Variants in CCDC61 observed in about 807,000 individuals in gnomAD.
The protein encoded by CCDC61 is centrosomal protein CCDC61.
In CCDC61, 55 loss-of-function variants were observed where a neutral mutation model predicts 63.0. The ratio of observed to expected loss-of-function variants is 0.87; its 90% confidence interval spans 0.70 to 1.09. The LOEUF (loss-of-function observed/expected upper bound fraction) is 1.09, where lower values mean the gene tolerates loss of function less well. Ranked by LOEUF, CCDC61 falls within the 50% of genes least tolerant of loss-of-function variation. The pLI, the probability that CCDC61 is intolerant of heterozygous loss-of-function variation, is 0.00. For missense variants in CCDC61, 651 were observed against 731.4 expected (o/e 0.89, Z 1.27); for synonymous variants, 270 against 317.0 (o/e 0.85, Z 1.58).
chr19:46,009,951 C>T lies in CCDC61; in HGVS notation c.551+1650C>T, dbSNP rs981384665. The stretch of plus-strand genomic sequence containing the variant: ...GGCGCCCTCCACCCTTTGGAACCAA[C>T]CACAGGAGCCTTGAGATCCCACCGC... On this transcript the variant is annotated intron_variant, in intron 5 of 13. Transcript: ENST00000595358. 2.6e-5 allele frequency among the ~76,000 whole-genome samples: 4 copies of T among 152,178 alleles called. No individual in the cohort carries two copies. The East Asian group carries it at 7.7e-4, about 29-fold the overall frequency.
chr19:46,008,941 C>T (rs115207279), intron 5 of CCDC61, among the ~76,000 whole-genome samples: 4,864 of 152,232 alleles, frequency 0.032, 107 homozygotes, highest in African/African-American at 0.06. Flanking sequence ...TCTATGTAGG[C>T]GAATCCACCT....
chr19:46,012,852 T>A lies in CCDC61; in HGVS notation c.552-2197T>A, dbSNP rs1600651741. 4.8e-5 allele frequency among the ~76,000 whole-genome samples: 3 copies of A among 62,892 alleles called. No individual in the cohort carries two copies. In the East Asian group the frequency reaches 7.8e-4, roughly 16 times the overall value. 41.3% of individuals were successfully genotyped at this position (62,892 alleles called of 152,430 possible). ...GTATCTCTTTTTGCACTTAATTTAA[T>A]TTTTTTTTTTTTTTTAAGAGACAGA... On this transcript the variant is annotated intron_variant, in intron 5 of 13. Coordinates refer to ENST00000595358, the MANE Select transcript of CCDC61 (RefSeq NM_001267723.2).
chr19:46,003,082 G>T lies in CCDC61; in HGVS notation c.64G>T (p.Val22Leu). 3.7e-6 allele frequency: 6 copies of T among 1,610,664 alleles called. No homozygotes were observed. Among genetic ancestry groups the T allele is most frequent in the Non-Finnish European group, 4.2e-6 (5 of 1,178,600 alleles). ...CCGGGGTGTGGAGCATGCCGTGCGG[G>T]TGATGGTTTCTGGGCAGGTGCTGGA... ...VFRGVEHAVR[V>L]MVSGQVLELE... Residue 22 changes from valine to leucine, a missense_variant, in exon 2 of 14, where the codon GTG (valine) becomes TTG (leucine). Coordinates refer to ENST00000595358, the MANE Select transcript of CCDC61 (RefSeq NM_001267723.2).
chr19:46,002,233 C>T (rs372852760), intron 1 of CCDC61, among the ~76,000 whole-genome samples: 302 of 152,134 alleles, frequency 2.0e-3, no homozygotes, highest in African/African-American at 7.0e-3. Flanking sequence ...CATGAGCCAC[C>T]GCACCTGGCC....
At chr19:46,017,841 C>T (rs1968977650) in intron 12 of CCDC61, among the ~76,000 whole-genome samples, 1 of 152,126 alleles carries the variant, frequency 6.6e-6, no homozygotes, top group Non-Finnish European at 1.5e-5. Flanking sequence ...TCTTTAGCCT[C>T]TCTGTACCTT....
Position 46,016,016 on chromosome 19 carries a change from G to C in CCDC61, c.846-38G>C. Reference sequence around the variant, plus strand: ...GGAGTCTCGCGATTGAGTTTGTCGGGGCGGGCGGGAAGCTGACAGCTGCCT... The same window carrying C: ...GGAGTCTCGCGATTGAGTTTGTCGGCGCGGGCGGGAAGCTGACAGCTGCCT... On this transcript the variant is annotated intron_variant, in intron 7 of 13. Coordinates refer to ENST00000595358, the MANE Select transcript of CCDC61 (RefSeq NM_001267723.2). This position sits in a 1 kb window ranked among gnomAD's most constrained non-coding sequence, Gnocchi z 7.2. The C allele has an allele frequency of 8.1e-7, 1 of 1,234,300 alleles. No individual in the cohort carries two copies. The highest frequency in any genetic ancestry group is 1.0e-6 in the Non-Finnish European group (1 of 990,316). The allele number at this position is 1,234,300 out of a possible 1,614,324, so 76.5% of individuals were successfully genotyped here.
intron 2 of CCDC61, 83 bp from the exon 3 acceptor site, chr19:46,003,336 G>T: frequency 1.4e-6 from 2 of 1,458,080 alleles, no homozygotes; most frequent in African/African-American, 1.4e-5. Flanking sequence ...CACTGGAGTC[G>T]GGTAGAATTG....
chr19:45,999,892 A>G (rs943812045), intron 1 of CCDC61, among the ~76,000 whole-genome samples: 2 of 151,806 alleles, frequency 1.3e-5, no homozygotes, highest in Non-Finnish European at 2.9e-5. Flanking sequence ...TGGGGTGGTG[A>G]CGTCATGGGT....
In CCDC61 at chr19:46,015,411, G is replaced by C. The variant is rs1391082240; in HGVS notation, c.829G>C (p.Ala277Pro). 6.2e-7 allele frequency: 1 copy of C among 1,601,566 alleles called. No individual in the cohort carries two copies. Among genetic ancestry groups the C allele is most frequent in the African/African-American group, 1.3e-5 (1 of 74,934 alleles). ...ARLKTLTSEL[A>P]LYKRGRRTPP... is the part of the protein sequence containing the mutation. ...GCTGAAGACGCTGACCAGCGAGCTG[G>C]CATTGTACAAGAGGGGGTGAGAGCG... The change falls in exon 7 of 14, where the codon GCA (alanine) becomes CCA (proline). Residue 277 changes from alanine (A) to proline (P), a missense_variant. Ala to Pro is a conservative substitution (Grantham distance 27, BLOSUM62 -1). Transcript: ENST00000595358. The surrounding 1 kb of genome is among the most constrained non-coding windows in gnomAD (Gnocchi z 5.3).
intron 4 of CCDC61, 41 bp downstream of exon 4, chr19:46,006,757 G>A (rs368647063): frequency 2.8e-5 from 43 of 1,557,402 alleles, no homozygotes; most frequent in Admixed American, 2.0e-4. Flanking sequence ...GCTGGTGGGC[G>A]GGGTGGGAGA....
At chr19:46,006,503 C>T in intron 3 of CCDC61, 56 bp from the exon 4 acceptor site, 1 of 1,458,736 alleles carries the variant, frequency 6.9e-7, no homozygotes, top group Admixed American at 2.4e-5. Context: ...GTGCTAGGTG[C>T]CCTCCGTGTG....
At chr19:46,002,642 C>T (rs1485838162) in intron 1 of CCDC61, among the ~76,000 whole-genome samples, 1 of 151,954 alleles carries the variant, frequency 6.6e-6, no homozygotes, top group Non-Finnish European at 1.5e-5. Context: ...GTCTTGAACT[C>T]TTGAGCTCAA....
At chr19:46,003,751 T>C (rs995256343) in intron 3 of CCDC61, among the ~76,000 whole-genome samples, 1 of 152,048 alleles carries the variant, frequency 6.6e-6, no homozygotes, top group Non-Finnish European at 1.5e-5. Flanking sequence ...GCCCTAATAC[T>C]CGCTTCTGTT....
At chr19:46,013,481 GA>G (rs2146481483) in intron 5 of CCDC61, among the ~76,000 whole-genome samples, 1 of 152,192 alleles carries the variant, frequency 6.6e-6, no homozygotes, top group African/African-American at 2.4e-5. Context: ...TTCTTGTGAT[GA>G]AAATCTTAGT....
chr19:46,017,624 T>C (rs1968973440), intron 12 of CCDC61, among the ~76,000 whole-genome samples: 2 of 152,130 alleles, frequency 1.3e-5, no homozygotes, highest in Non-Finnish European at 2.9e-5. Flanking sequence ...GGTCTGGAAC[T>C]CCTGGCCTCA....
chr19:45,997,400 TA>T (rs139129826), intron 1 of CCDC61, among the ~76,000 whole-genome samples: 3,963 of 152,256 alleles, frequency 0.026, 168 homozygotes, highest in African/African-American at 0.091. Context: ...TTATTATTAT[TA>T]TTTTTTTTGA....
At chr19:45,997,285 A>G (rs1284741329) in intron 1 of CCDC61, among the ~76,000 whole-genome samples, 4 of 152,162 alleles carry the variant, frequency 2.6e-5, no homozygotes, top group Non-Finnish European at 5.9e-5. Context: ...TCAGCTTCAC[A>G]ACCAGGCATT....
At chr19:46,007,770 G>C (rs1389211373) in intron 4 of CCDC61, among the ~76,000 whole-genome samples, 1 of 152,126 alleles carries the variant, frequency 6.6e-6, no homozygotes, top group African/African-American at 2.4e-5. Context: ...GCCAAGCCAG[G>C]GTCACCCAGG....
In CCDC61 at chr19:46,015,152, CTGCGCGGGCTGG is replaced by C. The variant is rs1157491008; in HGVS notation, c.668_679del (p.Val223_Leu226del). On this transcript the variant is annotated inframe_deletion, in exon 6 of 14. Transcript: ENST00000595358. This position sits in a 1 kb window ranked among gnomAD's most constrained non-coding sequence, Gnocchi z 5.3. ...CGCGGCACGCCAGGAGGCCGAGGCG[CTGCGCGGGCTGG>C]TGCGCGGGCTGGAGCTGGAGCTGCG... 10 of 1,265,284 alleles carry C rather than the reference CTGCGCGGGCTGG, an allele frequency of 7.9e-6. No individual in the cohort carries two copies. The highest frequency in any genetic ancestry group is 1.6e-5 in the African/African-American group (1 of 64,130). 78.4% of individuals were successfully genotyped at this position (1,265,284 alleles called of 1,614,324 possible).
Sources: gnomAD v4.1 joint callset for allele counts (sites outside exome capture counted in the v4.1 genomes callset) on GRCh38, gnomAD v4.1.1 for gene constraint, Gnocchi (gnomAD v3.1) non-coding constraint, MANE v1.5 for transcripts, NCBI Gene and HGNC (gene_info 2026-07-23, HGNC 2026-07-21) for gene names.